The following NEBL variants were observed in gnomAD, a reference collection of about 807,000 sequenced individuals.
NEBL encodes the protein nebulette, also known as LIM and SH3 protein 2.
A neutral mutation model predicts 140.2 loss-of-function variants in NEBL; 122 were observed. The observed-to-expected ratio is 0.87, with a 90% CI of 0.75 to 1.01. The LOEUF is 1.01. NEBL is among the 50% of genes least tolerant of loss of function. The pLI is 0.00. For synonymous variants in NEBL, 436 were observed against 398.9 expected, an observed-to-expected ratio of 1.09 and a Z score of -1.11; for missense variants, 1,365 against 1,231.3, an observed-to-expected ratio of 1.11 and a Z score of -1.62.
chr10:20,885,185 T>C (rs1317203299), intron 4 of NEBL, among the ~76,000 whole-genome samples: 2 of 152,222 alleles, frequency 1.3e-5, no homozygotes, highest in Admixed American at 6.5e-5. Flanking sequence ...TCTGATACTA[T>C]TTGGACACTG....
intron 4 of NEBL, among the ~76,000 whole-genome samples, chr10:20,908,266 T>A (rs1331050112): frequency 6.6e-6 from 1 of 152,256 alleles, no homozygotes; most frequent in Non-Finnish European, 1.5e-5. Context: ...TGCTAGGCCA[T>A]AGGGCAGTAG....
intron 1 of NEBL, among the ~76,000 whole-genome samples, chr10:21,271,935 AC>A (rs763486686): frequency 6.6e-5 from 10 of 151,840 alleles, no homozygotes; most frequent in Non-Finnish European, 1.5e-4. Flanking sequence ...ATATATCAAA[AC>A]ATCACATTGT....
chr10:21,258,889 A>G (rs1842699546), intron 1 of NEBL, among the ~76,000 whole-genome samples: 1 of 151,986 alleles, frequency 6.6e-6, no homozygotes, highest in Admixed American at 6.6e-5. Flanking sequence ...TTTACTGAGG[A>G]CCTGCATTGG....
At chr10:20,902,019 A>G (rs1424858192), upstream of NEBL, among the ~76,000 whole-genome samples, 2 of 152,196 alleles carry the variant, frequency 1.3e-5, no homozygotes, top group African/African-American at 4.8e-5. Context: ...TCTCCTTTTT[A>G]ATAGCTATTT....
At chr10:21,233,805 T>C (rs1842302408) in intron 3 of NEBL, among the ~76,000 whole-genome samples, 1 of 142,134 alleles carries the variant, frequency 7.0e-6, no homozygotes, top group African/African-American at 2.7e-5. Context: ...ATTACATATA[T>C]AGATATATAT....
At chr10:20,813,050 A>C in intron 23 of NEBL, 110 bp from the exon 24 acceptor site, 1 of 892,504 alleles carries the variant, frequency 1.1e-6, no homozygotes, top group Non-Finnish European at 1.8e-6. Flanking sequence ...GATTGTCTAC[A>C]TGTATGTATC....
intron 2 of NEBL, among the ~76,000 whole-genome samples, chr10:21,063,520 T>TGA (rs1420482749): frequency 6.6e-6 from 1 of 152,212 alleles, no homozygotes; most frequent in Non-Finnish European, 1.5e-5. Flanking sequence ...ATCACCCAAG[T>TGA]TTTCTATTCA....
intron 2 of NEBL, among the ~76,000 whole-genome samples, chr10:21,072,384 T>C (rs1050359685): frequency 6.6e-5 from 10 of 152,158 alleles, no homozygotes; most frequent in Non-Finnish European, 1.3e-4. Context: ...AGACTCTTAC[T>C]CCAAAGAGGG....
chr10:21,045,839 T>C (rs1477414411), intron 2 of NEBL, among the ~76,000 whole-genome samples: 2 of 152,210 alleles, frequency 1.3e-5, no homozygotes, highest in Non-Finnish European at 2.9e-5. Context: ...AATTACTATG[T>C]AATCCAGCAA....
At chr10:21,095,843 T>C (rs1210084771) in intron 2 of NEBL, among the ~76,000 whole-genome samples, 6 of 152,192 alleles carry the variant, frequency 3.9e-5, no homozygotes, top group African/African-American at 1.4e-4. Context: ...ATGAGTCCTC[T>C]TAGTACTGTT....
At chr10:20,835,823 C>T (rs1588731064) in intron 13 of NEBL, among the ~76,000 whole-genome samples, 200 bp from the exon 14 acceptor site, 1 of 152,142 alleles carries the variant, frequency 6.6e-6, no homozygotes, top group Non-Finnish European at 1.5e-5. Context: ...GAAGGGCATG[C>T]AAAGCTCCAA....
intron 2 of NEBL, among the ~76,000 whole-genome samples, chr10:21,134,963 C>G (rs988915098): frequency 1.3e-5 from 2 of 152,174 alleles, no homozygotes; most frequent in Non-Finnish European, 2.9e-5. Context: ...ATATTTTATG[C>G]CTTTTTAAAA....
intron 1 of NEBL, among the ~76,000 whole-genome samples, chr10:21,256,598 G>C (rs937092678): frequency 6.6e-6 from 1 of 152,116 alleles, no homozygotes; most frequent in African/African-American, 2.4e-5. Context: ...TGGGAGGCTA[G>C]GATGGGAGGA....
rs1033805899 is a variant in NEBL, at chr10:20,810,258, C to G, written c.2519-360G>C. The stretch of plus-strand genomic sequence containing the variant: ...ACCCCTGAATCCCCAGTCACTCTTG[C>G]TCTCCACAGGCTGAAACAAGCAAAA... On this transcript the variant is annotated intron_variant, in intron 24 of 27. Transcript: ENST00000377122. 3.3e-5 allele frequency among the ~76,000 whole-genome samples: 5 copies of G among 152,286 alleles called. No homozygotes were observed. The East Asian group carries it at 9.7e-4, about 29-fold the overall frequency.
chr10:20,831,125 A>C, intron 16 of NEBL, 71 bp downstream of exon 16: 11 of 1,061,744 alleles, frequency 1.0e-5, no homozygotes, highest in Non-Finnish European at 1.5e-6. Flanking sequence ...TATCATTCAT[A>C]GAGACATACA....
At chr10:20,915,373 T>C (rs2131478410) in intron 4 of NEBL, among the ~76,000 whole-genome samples, 1 of 150,838 alleles carries the variant, frequency 6.6e-6, no homozygotes, top group African/African-American at 2.4e-5. Flanking sequence ...GCATCTAGCA[T>C]TAGGTATATC....
At chr10:20,988,831 T>C (rs149380192) in intron 3 of NEBL, among the ~76,000 whole-genome samples, 158 of 152,350 alleles carry the variant, frequency 1.0e-3, no homozygotes, top group African/African-American at 3.7e-3. Flanking sequence ...GCTAAATCCA[T>C]TGGGCAATTC....
At chr10:21,016,797 A>G (rs975356661) in intron 3 of NEBL, among the ~76,000 whole-genome samples, 2 of 152,244 alleles carry the variant, frequency 1.3e-5, no homozygotes, top group African/African-American at 4.8e-5. Flanking sequence ...AAATCATTTA[A>G]TAGGCTAAAA....
chr10:21,196,074 G>A (rs904740890), intron 3 of NEBL, among the ~76,000 whole-genome samples: 3 of 152,098 alleles, frequency 2.0e-5, no homozygotes, highest in Non-Finnish European at 4.4e-5. Flanking sequence ...CACAATCTCA[G>A]CTCACTGCAA....
Sources: gnomAD v4.1 joint callset for allele counts (sites outside exome capture counted in the v4.1 genomes callset) on GRCh38, gnomAD v4.1.1 for gene constraint, MANE v1.5 for transcripts, NCBI Gene and HGNC (gene_info 2026-07-23, HGNC 2026-07-21) for gene names.